The following USH2A variants were observed in gnomAD, a reference collection of about 807,000 sequenced individuals.
USH2A encodes the protein Usher syndrome 2A (autosomal recessive, mild).
Under a neutral mutation model 538.9 loss-of-function variants are expected in USH2A, and 443 were observed. That is an observed-to-expected ratio of 0.82 (90% CI 0.76 to 0.89). USH2A has a LOEUF of 0.89. Among genes scored for constraint, USH2A ranks in the 40% least tolerant of loss-of-function variants. The pLI is 0.00. For synonymous variants in USH2A, 2,413 were observed against 2,273.5 expected (o/e 1.06, Z -1.75); for missense variants, 6,633 against 6,324.8 (o/e 1.05, Z -1.65).
chr1:216,070,296 T>G lies in USH2A; in HGVS notation c.5858-4A>C, dbSNP rs1006044101. 1 of 1,613,780 alleles carries G rather than the reference T, an allele frequency of 6.2e-7. No homozygotes were observed. Among genetic ancestry groups the G allele is most frequent in the Non-Finnish European group, 8.5e-7 (1 of 1,179,810 alleles). ...GGAGTTGGCACACTTTGTGGAGCTG[T>G]GAAGGAATAAAAGAGAAAATAGGGA... is the stretch of plus-strand genomic sequence containing the variant. On this transcript the variant is annotated splice_region_variant and splice_polypyrimidine_tract_variant and intron_variant, in intron 29 of 71. Coordinates refer to ENST00000307340, the MANE Select transcript of USH2A (RefSeq NM_206933.4).
At chr1:215,692,691 A>G (rs1026835851) in intron 61 of USH2A, among the ~76,000 whole-genome samples, 1 of 152,174 alleles carries the variant, frequency 6.6e-6, no homozygotes, top group African/African-American at 2.4e-5. Flanking sequence ...ATGAAGTGGT[A>G]TGTAAACTAC....
chr1:215,926,565 G>T (rs2102492933), intron 38 of USH2A, among the ~76,000 whole-genome samples: 1 of 149,844 alleles, frequency 6.7e-6, no homozygotes, highest in Admixed American at 6.7e-5. Flanking sequence ...CTGCCACTTT[G>T]GAAGCGTGTC....
In USH2A at chr1:215,900,287, A is replaced by G; in HGVS notation, c.7452-70T>C. 1.1e-5 allele frequency: 17 copies of G among 1,549,446 alleles called. No individual in the cohort carries two copies. In the South Asian group the frequency reaches 1.9e-4, roughly 18 times the overall value. ...AGAAATAAAAGCAAGTAAATTTCTTACTACAAAAAAATTTTAGAGGATGTC... is the reference window on the plus strand; with the variant it reads ...AGAAATAAAAGCAAGTAAATTTCTTGCTACAAAAAAATTTTAGAGGATGTC... On this transcript the variant is annotated intron_variant, in intron 39 of 71. Transcript: ENST00000307340.
intron 39 of USH2A, 74 bp from the exon 40 acceptor site, chr1:215,900,291 C>T (rs1332391880): frequency 3.3e-6 from 5 of 1,535,042 alleles, no homozygotes; most frequent in Non-Finnish European, 4.5e-6. Context: ...TTTCTTACTA[C>T]AAAAAAATTT....
rs755603663 is a variant in USH2A at position 216,323,575 on chromosome 1, C to A, written c.1449G>T (p.Thr483=). Residue 483 remains threonine (T), a synonymous_variant, in exon 8 of 72, where the codon ACG becomes ACT. Coordinates refer to ENST00000307340, the MANE Select transcript of USH2A (RefSeq NM_206933.4). ...TPSLQEFVKA[T]QIRFHFHGQY... is the part of the protein sequence containing the mutation. Reference sequence around the variant, plus strand: ...GCCCATGAAAATGAAACCTTATTTGCGTGGCTTTTACGAACTCTTGAAGAG... The same window carrying A: ...GCCCATGAAAATGAAACCTTATTTGAGTGGCTTTTACGAACTCTTGAAGAG... The A allele has an allele frequency of 6.2e-7, 1 of 1,613,492 alleles. No individual in the cohort carries two copies. The highest frequency in any genetic ancestry group is 8.5e-7 in the Non-Finnish European group (1 of 1,179,752).
rs145267836 is a variant in USH2A at position 216,365,563 on chromosome 1, G to A, written c.652-478C>T. On this transcript the variant is annotated intron_variant, in intron 3 of 71. Coordinates refer to ENST00000307340, the MANE Select transcript of USH2A (RefSeq NM_206933.4). Reference sequence around the variant, plus strand: ...TTTACTGTCTTGGGTATTGGTATCCGGTTGGTGATTTTCAGATATACTTTT... The same window carrying A: ...TTTACTGTCTTGGGTATTGGTATCCAGTTGGTGATTTTCAGATATACTTTT... Among the ~76,000 whole-genome samples, 60 of 152,218 alleles carry A rather than the reference G, an allele frequency of 3.9e-4. 1 individual carries two copies. The East Asian group carries it at 0.01, about 26-fold the overall frequency.
intron 24 of USH2A, 135 bp downstream of exon 24, chr1:216,086,584 A>G: frequency 1.4e-6 from 1 of 712,462 alleles, no homozygotes; most frequent in Non-Finnish European, 2.4e-6. Context: ...AGAGACCTAA[A>G]GGAAATTTTT....
intron 22 of USH2A, among the ~76,000 whole-genome samples, chr1:216,089,626 A>G (rs1330002362): frequency 6.6e-6 from 1 of 152,072 alleles, no homozygotes; most frequent in Admixed American, 6.6e-5. Flanking sequence ...TTCACCTTAA[A>G]AACTAGCCAG....
intron 67 of USH2A, among the ~76,000 whole-genome samples, chr1:215,645,062 T>G (rs560484262): frequency 6.6e-6 from 1 of 152,324 alleles, no homozygotes; most frequent in South Asian, 2.1e-4. Context: ...ATGGGGTATA[T>G]GCAGGTAGCT....
intron 11 of USH2A, among the ~76,000 whole-genome samples, chr1:216,270,288 T>C (rs545075240): frequency 2.4e-4 from 36 of 152,184 alleles, no homozygotes; most frequent in African/African-American, 7.5e-4. Flanking sequence ...AAAAAGCAAA[T>C]TGAAGAATGT....
At chr1:216,264,273 A>T (rs2036428816) in intron 11 of USH2A, among the ~76,000 whole-genome samples, 1 of 152,070 alleles carries the variant, frequency 6.6e-6, no homozygotes, top group South Asian at 2.1e-4. Context: ...ATTCCCATGG[A>T]ACCATAAAGA....
At chr1:216,215,731 T>C (rs1012212506) in intron 15 of USH2A, among the ~76,000 whole-genome samples, 4 of 152,132 alleles carry the variant, frequency 2.6e-5, no homozygotes, top group Non-Finnish European at 5.9e-5. Context: ...TGATATATCA[T>C]AATTTTAAAG....
At chr1:215,859,669 CCAA>C (rs1352298535) in intron 44 of USH2A, among the ~76,000 whole-genome samples, 7 of 152,090 alleles carry the variant, frequency 4.6e-5, no homozygotes, top group African/African-American at 1.7e-4. Flanking sequence ...AGTCCTGGAA[CCAA>C]TCGCCTGCAT....
intron 70 of USH2A, among the ~76,000 whole-genome samples, chr1:215,632,097 C>G (rs1030693410): frequency 2.0e-5 from 3 of 152,066 alleles, no homozygotes; most frequent in Admixed American, 1.3e-4. Flanking sequence ...GAGTCTCGCT[C>G]TGTTGTCCAG....
chr1:216,071,859 G>T (rs1005045873), intron 29 of USH2A, among the ~76,000 whole-genome samples: 2 of 152,144 alleles, frequency 1.3e-5, no homozygotes, highest in Admixed American at 6.6e-5. Context: ...TTAAGAGATC[G>T]TTCAGCTCAT....
intron 20 of USH2A, among the ~76,000 whole-genome samples, chr1:216,185,172 T>C (rs1170308940): frequency 1.3e-5 from 2 of 151,896 alleles, no homozygotes; most frequent in South Asian, 2.1e-4. Context: ...TTAATAACAC[T>C]GCTTGAAGAT....
intron 21 of USH2A, among the ~76,000 whole-genome samples, chr1:216,150,392 T>C (rs2033807847): frequency 6.7e-6 from 1 of 148,426 alleles, no homozygotes; most frequent in African/African-American, 2.5e-5. Context: ...CATTCTTATG[T>C]CACCCTCTAC....
At chr1:215,865,555 G>A (rs573513280) in intron 44 of USH2A, among the ~76,000 whole-genome samples, 2 of 152,248 alleles carry the variant, frequency 1.3e-5, no homozygotes, top group South Asian at 2.1e-4. Flanking sequence ...TTAGTGAGGT[G>A]GAGTAGAGAG....
intron 39 of USH2A, 160 bp downstream of exon 39, chr1:215,900,595 T>G (rs1468843116): frequency 1.0e-6 from 1 of 1,004,068 alleles, no homozygotes; most frequent in Non-Finnish European, 1.5e-6. Context: ...AAATAGATAT[T>G]TTTGCAAAGC....
Sources: allele counts gnomAD v4.1 joint callset (sites outside exome capture counted in the v4.1 genomes callset), GRCh38; gene constraint gnomAD v4.1.1; transcripts MANE v1.5; gene names NCBI Gene and HGNC (gene_info 2026-07-23, HGNC 2026-07-21).